The following FANCD2 variants were observed in gnomAD, a reference collection of about 807,000 sequenced individuals.
FANCD2 encodes the protein FA complementation group D2.
A neutral mutation model predicts 192.3 loss-of-function variants in FANCD2; 131 were observed. That is an observed-to-expected ratio of 0.68 (90% CI 0.59 to 0.79). The LOEUF (loss-of-function observed/expected upper bound fraction) is 0.79, where lower values mean the gene tolerates loss of function less well. Ranked by LOEUF, FANCD2 falls within the 30% of genes least tolerant of loss-of-function variation. The pLI, the probability that FANCD2 is intolerant of heterozygous loss-of-function variation, is 0.00. For missense variants in FANCD2, 1,508 were observed against 1,701.6 expected (o/e 0.89, Z 2.00); for synonymous variants, 524 against 612.5 (o/e 0.86, Z 2.13).
At chr3:10,039,242 A>G (rs770070362) in intron 7 of FANCD2, 37 bp from the exon 8 acceptor site, 44 of 1,477,978 alleles carry the variant, frequency 3.0e-5, no homozygotes, top group Non-Finnish European at 4.1e-5. Flanking sequence ...TTGACCAGAA[A>G]GGCTCAGTTC....
intron 18 of FANCD2, chr3:10,058,158 C>A: frequency 5.6e-6 from 2 of 359,900 alleles, no homozygotes; most frequent in Admixed American, 3.3e-5. Flanking sequence ...AATCCAGTGG[C>A]CTGACCTGTC....
chr3:10,063,204 G>A (rs1489568024), intron 20 of FANCD2, among the ~76,000 whole-genome samples: 5 of 152,168 alleles, frequency 3.3e-5, no homozygotes, highest in Non-Finnish European at 7.3e-5. Context: ...GGAGACCAAG[G>A]CAGGAGGATC....
intron 42 of FANCD2, 40 bp downstream of exon 42, chr3:10,096,512 ATTC>A: frequency 6.2e-7 from 1 of 1,601,412 alleles, no homozygotes; most frequent in Non-Finnish European, 8.6e-7. Context: ...CCCTACTCTT[ATTC>A]TTTGTGACAG....
rs115393988 is a variant in FANCD2 at position 10,061,080 on chromosome 3, C to T, written c.1766+677C>T. 8.3e-3 allele frequency among the ~76,000 whole-genome samples: 1,265 copies of T among 152,262 alleles called. 21 individuals are homozygous for T. Among genetic ancestry groups the T allele is most frequent in the African/African-American group, 0.029 (1,188 of 41,542 alleles). On this transcript the variant is annotated intron_variant, in intron 19 of 43. Transcript: ENST00000675286. ...GTGCAGGACATGCAGCCCTCCTGCG[C>T]CCAACTTAATCACCAGACACCTGCA...
intron 19 of FANCD2, among the ~76,000 whole-genome samples, chr3:10,060,739 G>T (rs2087542307): frequency 6.6e-6 from 1 of 152,172 alleles, no homozygotes. Flanking sequence ...GACAATGCAG[G>T]TGTCTACATT....
chr3:10,067,354 C>A (rs1418551349), intron 26 of FANCD2, 37 bp downstream of exon 26: 1 of 1,245,900 alleles, frequency 8.0e-7, no homozygotes, highest in Admixed American at 1.7e-5. Flanking sequence ...TACTACTAGG[C>A]CAGTAGTGAG....
At position 10,101,910 on chromosome 3, in the gene FANCD2, A is replaced by G. The variant is rs1695318576; in HGVS notation, c.*648A>G. ...AACTTAGGCTTGTACCAATTTTACA[A>G]ATAAATTCTGTTCTAAGTTCTGCCT... On this transcript the variant is annotated 3_prime_UTR_variant, in exon 44 of 44. Transcript: ENST00000675286. 1 of 183,170 alleles carries G rather than the reference A, an allele frequency of 5.5e-6. No homozygotes were observed. The highest frequency in any genetic ancestry group is 2.4e-5 in the African/African-American group (1 of 42,500). 11.3% of individuals were successfully genotyped at this position (183,170 alleles called of 1,614,324 possible). A position where few individuals can be genotyped will look rare whatever the true frequency, so the allele number is the denominator to read the frequency against.
At chr3:10,081,655 C>A in intron 32 of FANCD2, 191 bp downstream of exon 32, 1 of 631,888 alleles carries the variant, frequency 1.6e-6, no homozygotes, top group Non-Finnish European at 2.8e-6. Flanking sequence ...CCTTTGGAGC[C>A]ACTATGTTAA....
intron 25 of FANCD2, 49 bp downstream of exon 25, chr3:10,066,028 A>G: frequency 8.1e-7 from 1 of 1,240,030 alleles, no homozygotes; most frequent in East Asian, 2.3e-5. Flanking sequence ...AGTTTTTCTC[A>G]AAACTATTTT....
intron 39 of FANCD2, 69 bp downstream of exon 39, chr3:10,093,392 T>TCTAGA: frequency 7.8e-7 from 1 of 1,285,018 alleles, no homozygotes; most frequent in Non-Finnish European, 1.1e-6. Flanking sequence ...GGACCTCAGC[T>TCTAGA]GAGATAAATT....
At chr3:10,065,705 G>C (rs2087699800) in intron 24 of FANCD2, among the ~76,000 whole-genome samples, 159 bp from the exon 25 acceptor site, 1 of 152,184 alleles carries the variant, frequency 6.6e-6, no homozygotes, top group South Asian at 2.1e-4. Context: ...AGTTATATTT[G>C]TTGATTGCTA....
At chr3:10,055,716 G>A (rs2087388826) in intron 18 of FANCD2, among the ~76,000 whole-genome samples, 1 of 151,932 alleles carries the variant, frequency 6.6e-6, no homozygotes, top group Non-Finnish European at 1.5e-5. Flanking sequence ...GGAAGCTGAA[G>A]CAGGGGAATG....
chr3:10,082,725 AC>A (rs1272470655), intron 32 of FANCD2, among the ~76,000 whole-genome samples: 3 of 151,882 alleles, frequency 2.0e-5, no homozygotes, highest in African/African-American at 7.3e-5. Flanking sequence ...TGCCTCTCTA[AC>A]CCCCAGTTCT....
At chr3:10,093,193 C>T in intron 38 of FANCD2, 92 bp from the exon 39 acceptor site, 1 of 895,308 alleles carries the variant, frequency 1.1e-6, no homozygotes, top group Non-Finnish European at 1.9e-6. Context: ...TTCTCTGCAG[C>T]ACCCAAAGCT....
chr3:10,099,340 A>C, intron 43 of FANCD2: 1 of 1,200,548 alleles, frequency 8.3e-7, no homozygotes, highest in South Asian at 2.0e-5. Context: ...AAATGTAGAC[A>C]TGGCTGGCGC....
At chr3:10,079,351 C>G (rs191533278) in intron 30 of FANCD2, among the ~76,000 whole-genome samples, 4 of 152,292 alleles carry the variant, frequency 2.6e-5, no homozygotes, top group Admixed American at 2.0e-4. Flanking sequence ...GTCTCCCAGG[C>G]TGGAGTGCAG....
intron 36 of FANCD2, among the ~76,000 whole-genome samples, chr3:10,089,285 CAAA>C (rs762191428): frequency 1.4e-5 from 2 of 141,206 alleles, no homozygotes; most frequent in African/African-American, 5.2e-5. Context: ...AACTCCATCT[CAAA>C]AAAAAAAAGA....
chr3:10,067,616 G>T (rs1438030649), intron 26 of FANCD2, among the ~76,000 whole-genome samples: 1 of 152,152 alleles, frequency 6.6e-6, no homozygotes, highest in African/African-American at 2.4e-5. Flanking sequence ...TGGCCAACAT[G>T]GTGAAACCCT....
chr3:10,090,748 G>C (rs1168536169), intron 37 of FANCD2, among the ~76,000 whole-genome samples: 3 of 152,216 alleles, frequency 2.0e-5, no homozygotes, highest in African/African-American at 4.8e-5. Flanking sequence ...GTGCGCCACT[G>C]CGCCCGGTGG....
Sources: allele counts gnomAD v4.1 joint callset (sites outside exome capture counted in the v4.1 genomes callset), GRCh38; gene constraint gnomAD v4.1.1; transcripts MANE v1.5; gene names NCBI Gene and HGNC (gene_info 2026-07-23, HGNC 2026-07-21).